The following CCDC91 variants were observed in gnomAD, a reference collection of about 807,000 sequenced individuals.
CCDC91 encodes coiled-coil domain containing 91, also known as coiled-coil domain-containing protein 91.
Under a neutral mutation model 63.2 loss-of-function variants are expected in CCDC91, and 48 were observed. That is an observed-to-expected ratio of 0.76 (90% confidence interval 0.60 to 0.97). The LOEUF (loss-of-function observed/expected upper bound fraction) is 0.97. Ranked by LOEUF, CCDC91 falls within the 50% of genes least tolerant of loss-of-function variation. The pLI, the probability that CCDC91 is intolerant of heterozygous loss-of-function variation, is 0.00. For synonymous variants in CCDC91, 167 were observed against 165.8 expected (o/e 1.01, Z -0.06); for missense variants, 500 against 494.6 (o/e 1.01, Z -0.10).
intron 11 of CCDC91, among the ~76,000 whole-genome samples, chr12:28,481,615 CAATT>C (rs1951451627): frequency 6.6e-6 from 1 of 151,920 alleles, no homozygotes; most frequent in Non-Finnish European, 1.5e-5. Context: ...ATTTATTAAT[CAATT>C]CTTACTAATT....
chr12:28,340,050 C>G (rs1942302563), intron 6 of CCDC91, among the ~76,000 whole-genome samples: 1 of 152,072 alleles, frequency 6.6e-6, no homozygotes. Context: ...ATTAAGACCC[C>G]TTTACACTCT....
intron 7 of CCDC91, among the ~76,000 whole-genome samples, chr12:28,382,061 G>T (rs1848785145): frequency 6.6e-6 from 1 of 151,864 alleles, no homozygotes; most frequent in Non-Finnish European, 1.5e-5. Flanking sequence ...ACTAATAGAA[G>T]TATTTATACT....
intron 6 of CCDC91, among the ~76,000 whole-genome samples, chr12:28,341,480 A>T (rs1002063666): frequency 1.3e-5 from 2 of 152,206 alleles, no homozygotes; most frequent in Admixed American, 1.3e-4. Context: ...TCACCAGAAT[A>T]ATCCAGGATA....
intron 11 of CCDC91, among the ~76,000 whole-genome samples, chr12:28,482,966 C>T (rs1951526529): frequency 6.6e-6 from 1 of 151,534 alleles, no homozygotes; most frequent in African/African-American, 2.4e-5. Context: ...AGAAAATGTC[C>T]AAGATATAAG....
chr12:28,526,271 A>C (rs1941254520), intron 12 of CCDC91, among the ~76,000 whole-genome samples: 1 of 151,714 alleles, frequency 6.6e-6, no homozygotes, highest in Admixed American at 6.6e-5. Flanking sequence ...AGCTCCTTTT[A>C]GCAGTTCTTG....
intron 10 of CCDC91, 92 bp downstream of exon 10, chr12:28,450,510 T>C: frequency 2.2e-6 from 2 of 930,042 alleles, no homozygotes; most frequent in South Asian, 3.1e-5. Context: ...TATAAAATGT[T>C]TCATTCCATA....
intron 6 of CCDC91, among the ~76,000 whole-genome samples, chr12:28,316,009 T>G (rs1247413404): frequency 6.6e-6 from 1 of 151,952 alleles, no homozygotes; most frequent in Non-Finnish European, 1.5e-5. Flanking sequence ...ATACATTATT[T>G]TCTTCTATCA....
intron 6 of CCDC91, among the ~76,000 whole-genome samples, chr12:28,320,540 C>G (rs1218278319): frequency 6.6e-6 from 1 of 151,838 alleles, no homozygotes; most frequent in Non-Finnish European, 1.5e-5. Context: ...GTATTTCCCA[C>G]TTATCTGAGG....
intron 1 of CCDC91, among the ~76,000 whole-genome samples, chr12:28,233,684 A>G (rs1944752309): frequency 6.6e-6 from 1 of 152,090 alleles, no homozygotes; most frequent in Non-Finnish European, 1.5e-5. Flanking sequence ...ATTTTGTCCT[A>G]ATTATTGAAC....
intron 3 of CCDC91, among the ~76,000 whole-genome samples, chr12:28,294,892 G>A (rs1163434305): frequency 6.6e-6 from 1 of 152,082 alleles, no homozygotes. Context: ...ACCTAAACCT[G>A]CTTCTTTATA....
At chr12:28,249,030 TGAG>T (rs908086379) in intron 1 of CCDC91, among the ~76,000 whole-genome samples, 27 of 152,268 alleles carry the variant, frequency 1.8e-4, no homozygotes, top group African/African-American at 6.5e-4. Flanking sequence ...AACAAGAAGT[TGAG>T]GGACTTCTCT....
At chr12:28,199,448 G>A (rs1475739896) in intron 1 of CCDC91, among the ~76,000 whole-genome samples, 1 of 151,968 alleles carries the variant, frequency 6.6e-6, no homozygotes, top group Non-Finnish European at 1.5e-5. Context: ...TTATGCAGCT[G>A]TCTTTTCAAT....
At chr12:28,455,664 G>A (rs2140392508) in intron 11 of CCDC91, among the ~76,000 whole-genome samples, 1 of 151,836 alleles carries the variant, frequency 6.6e-6, no homozygotes, top group South Asian at 2.1e-4. Context: ...AGCTAAAAAG[G>A]TATTTTTATG....
chr12:28,247,452 C>T (rs1393632019), intron 1 of CCDC91, among the ~76,000 whole-genome samples: 1 of 149,016 alleles, frequency 6.7e-6, no homozygotes, highest in Admixed American at 6.7e-5. Context: ...TGCACTCCAG[C>T]CTGGGTGAGA....
At chr12:28,265,164 C>T (rs1438350203) in intron 3 of CCDC91, among the ~76,000 whole-genome samples, 1 of 151,964 alleles carries the variant, frequency 6.6e-6, no homozygotes, top group Non-Finnish European at 1.5e-5. Flanking sequence ...TATAAATTGT[C>T]TAGAAGGCGA....
At chr12:28,478,174 G>C (rs571184700) in intron 11 of CCDC91, among the ~76,000 whole-genome samples, 2 of 151,970 alleles carry the variant, frequency 1.3e-5, no homozygotes, top group Admixed American at 6.6e-5. Flanking sequence ...AGCCAAAAGA[G>C]CAAAGCTGGA....
chr12:28,341,204 C>A (rs1275044640), intron 6 of CCDC91, among the ~76,000 whole-genome samples: 1 of 152,130 alleles, frequency 6.6e-6, no homozygotes, highest in African/African-American at 2.4e-5. Context: ...TGTGTCTCTG[C>A]CTGCTAGGGT....
At chr12:28,309,536 A>G (rs1939099172) in intron 6 of CCDC91, among the ~76,000 whole-genome samples, 1 of 152,058 alleles carries the variant, frequency 6.6e-6, no homozygotes, top group South Asian at 2.1e-4. Flanking sequence ...ATTCGGTCTT[A>G]TAGGATATTA....
chr12:28,356,717 CAATCAG>C (rs577876679), intron 6 of CCDC91, among the ~76,000 whole-genome samples: 3 of 152,090 alleles, frequency 2.0e-5, no homozygotes, highest in Admixed American at 6.5e-5. Context: ...AAACCTTTCT[CAATCAG>C]ATAATATTTG....
Sources: gnomAD v4.1 joint callset for allele counts (sites outside exome capture counted in the v4.1 genomes callset) on GRCh38, gnomAD v4.1.1 for gene constraint, MANE v1.5 for transcripts, NCBI Gene and HGNC (gene_info 2026-07-23, HGNC 2026-07-21) for gene names.